Variants in ZNRF1 observed in about 807,000 individuals in gnomAD.
The protein encoded by ZNRF1 is zinc and ring finger 1, also known as E3 ubiquitin-protein ligase ZNRF1.
In ZNRF1, 3 loss-of-function variants were observed where a neutral mutation model predicts 18.4. That is an observed-to-expected ratio of 0.16 (90% CI 0.07 to 0.42). The LOEUF is 0.42. Ranked by LOEUF, ZNRF1 falls within the 10% of genes least tolerant of loss-of-function variation. ZNRF1 has a pLI of 0.99. For synonymous variants in ZNRF1, 157 were observed against 144.2 expected (o/e 1.09, Z -0.64); for missense variants, 310 against 329.8 (o/e 0.94, Z 0.47).
At chr16:75,050,870 C>CAAAAAAAAAAAA (rs1165011147) in intron 1 of ZNRF1, among the ~76,000 whole-genome samples, 1 of 9,244 alleles carries the variant, frequency 1.1e-4, no homozygotes, top group Non-Finnish European at 3.7e-4. Flanking sequence ...GACTCCGTCT[C>CAAAAAAAAAAAA]AAAAAAAAAA....
At chr16:75,010,711 G>GTTTTTTTTTTTTTTTTTTTTTTTTTTTTT (rs67210395) in intron 1 of ZNRF1, among the ~76,000 whole-genome samples, 1 of 74,324 alleles carries the variant, frequency 1.3e-5, no homozygotes, top group African/African-American at 3.9e-5. Flanking sequence ...GTTTTTTTTT[G>GTTTTTTTTTTTTTTTTTTTTTTTTTTTTT]TTTTTTTGTT....
At chr16:75,107,328 C>T (rs1002851038) in intron 4 of ZNRF1, 3 of 185,780 alleles carry the variant, frequency 1.6e-5, no homozygotes, top group Non-Finnish European at 3.4e-5. Context: ...CCATAAAAAC[C>T]AAAAGCCCAA....
intron 2 of ZNRF1, among the ~76,000 whole-genome samples, chr16:75,103,877 C>T (rs376909513): frequency 2.0e-5 from 3 of 151,918 alleles, no homozygotes; most frequent in Non-Finnish European, 4.4e-5. Context: ...CCTAGCTACT[C>T]GGGAGGCTGA....
chr16:75,055,198 A>G (rs917142260), intron 1 of ZNRF1, among the ~76,000 whole-genome samples: 2 of 152,236 alleles, frequency 1.3e-5, no homozygotes, highest in Non-Finnish European at 2.9e-5. Flanking sequence ...CATTGCTCCC[A>G]TTTTAATGCT....
At chr16:75,047,074 G>C (rs985766389) in intron 1 of ZNRF1, among the ~76,000 whole-genome samples, 4 of 152,016 alleles carry the variant, frequency 2.6e-5, no homozygotes, top group African/African-American at 9.7e-5. Context: ...AAAAAATTAA[G>C]CATTATGTTT....
At chr16:75,063,937 G>C (rs1280535380) in intron 1 of ZNRF1, among the ~76,000 whole-genome samples, 1 of 152,218 alleles carries the variant, frequency 6.6e-6, no homozygotes, top group African/African-American at 2.4e-5. Context: ...TATGGAGCCA[G>C]TCTCCTGGCT....
At chr16:75,051,117 C>G (rs1235339255) in intron 1 of ZNRF1, among the ~76,000 whole-genome samples, 3 of 151,878 alleles carry the variant, frequency 2.0e-5, no homozygotes, top group Non-Finnish European at 4.4e-5. Flanking sequence ...AGTAGGCCCA[C>G]TTGAGCCTGG....
chr16:75,080,387 G>T (rs952273788), intron 1 of ZNRF1, among the ~76,000 whole-genome samples: 1 of 152,182 alleles, frequency 6.6e-6, no homozygotes, highest in Non-Finnish European at 1.5e-5. Context: ...TATTCCATAT[G>T]AGCAGTCACT....
chr16:75,035,077 G>A (rs902539924), intron 1 of ZNRF1, among the ~76,000 whole-genome samples: 14 of 152,076 alleles, frequency 9.2e-5, no homozygotes, highest in East Asian at 1.9e-4. Context: ...AGTGCAGTGC[G>A]TGAGTTCCAA....
At chr16:75,003,039 CG>C (rs1383395752) in intron 1 of ZNRF1, among the ~76,000 whole-genome samples, 1 of 152,180 alleles carries the variant, frequency 6.6e-6, no homozygotes, top group Non-Finnish European at 1.5e-5. Flanking sequence ...CTGCAGTCTC[CG>C]CCTCCCGGGT....
In ZNRF1 at chr16:75,052,967, G is replaced by T. The variant is rs148679060; in HGVS notation, c.425-40605G>T. 5.3e-5 allele frequency among the ~76,000 whole-genome samples: 8 copies of T among 152,324 alleles called. 1 individual carries two copies. The East Asian group carries it at 1.5e-3, about 29-fold the overall frequency. On this transcript the variant is annotated intron_variant, in intron 1 of 4. Coordinates refer to ENST00000335325, the MANE Select transcript of ZNRF1 (RefSeq NM_032268.5). ...GAGAATCTGAGCCTTTTCATTTGCT[G>T]CCACTGGGGACATGATGTGAATCGG... is the stretch of plus-strand genomic sequence containing the variant.
At position 75,001,008 on chromosome 16, in the gene ZNRF1, A is replaced by G. The variant is rs370791670; in HGVS notation, c.424+913A>G. Among the ~76,000 whole-genome samples, 69 of 152,318 alleles carry G rather than the reference A, an allele frequency of 4.5e-4. 2 individuals are homozygous for G. Among genetic ancestry groups the G allele is most frequent in the African/African-American group, 1.6e-3 (68 of 41,570 alleles). On this transcript the variant is annotated intron_variant, in intron 1 of 4. Transcript: ENST00000335325. Reference sequence around the variant, plus strand: ...CCCAGGCTCCTAGCGGGAGGGCAAAAAAGGCCTGGCAGGAGGAAAACAGGT... The same window carrying G: ...CCCAGGCTCCTAGCGGGAGGGCAAAGAAGGCCTGGCAGGAGGAAAACAGGT...
At chr16:75,028,076 C>T (rs895871305) in intron 1 of ZNRF1, among the ~76,000 whole-genome samples, 3 of 152,144 alleles carry the variant, frequency 2.0e-5, no homozygotes, top group African/African-American at 4.8e-5. Context: ...GGGCCAATAC[C>T]TCCATTTGCA....
chr16:75,079,727 A>G (rs1027603502), intron 1 of ZNRF1, among the ~76,000 whole-genome samples: 1 of 152,010 alleles, frequency 6.6e-6, no homozygotes, highest in Non-Finnish European at 1.5e-5. Context: ...ATTTCAAAAC[A>G]CAGTTGTGGC....
intron 1 of ZNRF1, among the ~76,000 whole-genome samples, chr16:75,016,052 C>T (rs1427387453): frequency 6.6e-6 from 1 of 151,268 alleles, no homozygotes; most frequent in Non-Finnish European, 1.5e-5. Flanking sequence ...TCCCGAGTAG[C>T]TGGGACTACA....
chr16:75,069,788 T>G (rs1377938478), intron 1 of ZNRF1, among the ~76,000 whole-genome samples: 1 of 152,180 alleles, frequency 6.6e-6, no homozygotes, highest in Non-Finnish European at 1.5e-5. Context: ...CCTCGGCCCC[T>G]CACACCAGAT....
chr16:75,019,602 G>A (rs543269293), intron 1 of ZNRF1, among the ~76,000 whole-genome samples: 3 of 152,218 alleles, frequency 2.0e-5, no homozygotes, highest in African/African-American at 4.8e-5. Flanking sequence ...GTTGGGGAAC[G>A]CAGAAAAATA....
chr16:75,027,412 G>T (rs1362125246), intron 1 of ZNRF1, among the ~76,000 whole-genome samples: 1 of 152,310 alleles, frequency 6.6e-6, no homozygotes, highest in African/African-American at 2.4e-5. Flanking sequence ...GACATTCTTT[G>T]TAGTTTTGTA....
intron 1 of ZNRF1, among the ~76,000 whole-genome samples, chr16:75,059,439 G>A (rs957077215): frequency 6.6e-6 from 1 of 151,054 alleles, no homozygotes; most frequent in Non-Finnish European, 1.5e-5. Context: ...GTAGAGACAG[G>A]GTTTCACCAT....
Sources: allele counts gnomAD v4.1 joint callset (sites outside exome capture counted in the v4.1 genomes callset), GRCh38; gene constraint gnomAD v4.1.1; transcripts MANE v1.5; gene names NCBI Gene and HGNC (gene_info 2026-07-23, HGNC 2026-07-21).